The following C12orf42 variants were observed in gnomAD, a reference collection of about 807,000 sequenced individuals.
The protein encoded by C12orf42 is uncharacterized protein C12orf42.
A neutral mutation model predicts 21.6 loss-of-function variants in C12orf42; 25 were observed. That is an observed-to-expected ratio of 1.16 (90% CI 0.84 to 1.62). C12orf42 has a LOEUF of 1.62. Ranked by LOEUF, C12orf42 falls within the 40% of genes most tolerant of loss-of-function variation. The pLI is 0.00. For synonymous variants in C12orf42, 174 were observed against 175.0 expected (o/e 0.99, Z 0.05); for missense variants, 483 against 459.3 (o/e 1.05, Z -0.47).
chr12:103,081,447 T>C, the C12orf42 span: 1 of 152,204 alleles, frequency 6.6e-6, no homozygotes, highest in African/African-American at 2.4e-5. Flanking sequence ...ATCTCTCTCT[T>C]GTGTTGCACC....
intron 2 of C12orf42, among the ~76,000 whole-genome samples, chr12:103,406,449 G>C (rs1046632869): frequency 7.2e-5 from 11 of 152,170 alleles, no homozygotes; most frequent in African/African-American, 2.7e-4. Flanking sequence ...AAGCAATAGA[G>C]GAATATCCAT....
chr12:103,127,002 T>C, the C12orf42 span, among the ~76,000 whole-genome samples: 2 of 152,212 alleles, frequency 1.3e-5, 1 homozygote, highest in Non-Finnish European at 2.9e-5. Flanking sequence ...AATTCAAATG[T>C]GTAACTTGAT....
intron 4 of C12orf42, among the ~76,000 whole-genome samples, chr12:103,365,835 A>G (rs1056034748): frequency 3.3e-5 from 5 of 152,204 alleles, no homozygotes; most frequent in East Asian, 1.9e-4. Flanking sequence ...GTTCACATAA[A>G]CAAATGGAAA....
the C12orf42 span, among the ~76,000 whole-genome samples, chr12:103,556,843 TAAGTGTCCTTAG>T: frequency 6.3e-4 from 95 of 151,148 alleles, no homozygotes; most frequent in Non-Finnish European, 5.7e-4. Context: ...AGTCCAATGG[TAAGTGTCCTTAG>T]AAGAGACACA....
At chr12:103,268,341 T>G (rs2035273052), downstream of C12orf42, 1 of 152,146 alleles carries the variant, frequency 6.6e-6, no homozygotes, top group Non-Finnish European at 1.5e-5. Context: ...CCATGCCTGG[T>G]TAATAGGTAT....
At chr12:103,174,608 G>T in the C12orf42 span, among the ~76,000 whole-genome samples, 1 of 147,146 alleles carries the variant, frequency 6.8e-6, no homozygotes, top group Non-Finnish European at 1.5e-5. Context: ...GCCAACCAAC[G>T]TTCCCTCTGA....
intron 2 of C12orf42, among the ~76,000 whole-genome samples, chr12:103,469,964 T>C (rs1953462027): frequency 6.6e-6 from 1 of 152,208 alleles, no homozygotes. Flanking sequence ...TTGGGCCATT[T>C]AGAAAGCCAT....
chr12:103,407,582 C>T (rs75826729), intron 2 of C12orf42, among the ~76,000 whole-genome samples: 9,150 of 152,184 alleles, frequency 0.06, 260 homozygotes, highest in Middle Eastern at 0.12. Flanking sequence ...ATATAATACA[C>T]GTAACATACA....
chr12:103,179,029 A>G, the C12orf42 span, among the ~76,000 whole-genome samples: 1 of 152,214 alleles, frequency 6.6e-6, no homozygotes, highest in African/African-American at 2.4e-5. Flanking sequence ...ATTATTTAGA[A>G]GTAATTACCC....
chr12:103,446,655 G>T (rs1304504969), intron 2 of C12orf42, among the ~76,000 whole-genome samples: 1 of 151,890 alleles, frequency 6.6e-6, no homozygotes, highest in Non-Finnish European at 1.5e-5. Flanking sequence ...TTAAGGTAAA[G>T]GGGTGGAGAA....
chr12:103,242,557 T>G (rs1278278193), intron 10 of C12orf42, among the ~76,000 whole-genome samples: 2 of 152,126 alleles, frequency 1.3e-5, no homozygotes, highest in African/African-American at 2.4e-5. Context: ...TTAAAAAAAT[T>G]TAAAAGGTCA....
the C12orf42 span, chr12:103,506,094 C>G: frequency 2.7e-5 from 6 of 223,004 alleles, no homozygotes; most frequent in Non-Finnish European, 5.3e-5. Context: ...ACCCCTGGAG[C>G]TTTTCCTAGA....
intron 1 of C12orf42, among the ~76,000 whole-genome samples, chr12:103,484,628 A>G (rs968057450): frequency 5.3e-5 from 8 of 152,096 alleles, no homozygotes; most frequent in Non-Finnish European, 8.8e-5. Context: ...CTCTGATGGT[A>G]GTTTATTTTG....
At chr12:103,148,021 C>A in the C12orf42 span, among the ~76,000 whole-genome samples, 1 of 152,130 alleles carries the variant, frequency 6.6e-6, no homozygotes, top group African/African-American at 2.4e-5. Flanking sequence ...AGAAGAGAAC[C>A]ATTGAATTTT....
At chr12:103,472,723 G>A (rs982681291) in intron 2 of C12orf42, among the ~76,000 whole-genome samples, 1 of 152,156 alleles carries the variant, frequency 6.6e-6, no homozygotes, top group Non-Finnish European at 1.5e-5. Context: ...GAGATGGAAA[G>A]GCCATAGCAA....
the C12orf42 span, among the ~76,000 whole-genome samples, chr12:103,172,961 T>C: frequency 2.0e-5 from 3 of 152,122 alleles, no homozygotes; most frequent in Non-Finnish European, 4.4e-5. Flanking sequence ...TTACCTCCAA[T>C]GACAAAGCTT....
chr12:103,509,182 G>C, the C12orf42 span, among the ~76,000 whole-genome samples: 1 of 152,092 alleles, frequency 6.6e-6, no homozygotes, highest in African/African-American at 2.4e-5. Context: ...TCACACCAGG[G>C]TTTCCTCATA....
chr12:103,440,650 A>T lies in C12orf42; in HGVS notation c.78+37699T>A, dbSNP rs537387868. On this transcript the variant is annotated intron_variant, in intron 2 of 5. Transcript: ENST00000548883. The stretch of plus-strand genomic sequence containing the variant: ...ATATGTGCTTTTAGACCCATTTTGC[A>T]GATAAACCAGAACTCAAAGATGTTA... Among the ~76,000 whole-genome samples the T allele has an allele frequency of 5.3e-5, 8 of 152,224 alleles. No individual in the cohort carries two copies. The South Asian group carries it at 1.7e-3, about 32-fold the overall frequency.
chr12:103,232,898 T>G (rs2033346503), downstream of C12orf42, among the ~76,000 whole-genome samples: 1 of 152,128 alleles, frequency 6.6e-6, no homozygotes, highest in Non-Finnish European at 1.5e-5. Flanking sequence ...AAGTTTTGAG[T>G]TTTTTTATTG....
Sources: allele counts gnomAD v4.1 joint callset (sites outside exome capture counted in the v4.1 genomes callset), GRCh38; gene constraint gnomAD v4.1.1; transcripts MANE v1.5; gene names NCBI Gene and HGNC (gene_info 2026-07-23, HGNC 2026-07-21).